Variants in TIAM2 observed in about 807,000 individuals in gnomAD.
TIAM2 encodes rho guanine nucleotide exchange factor TIAM2.
TIAM2 carries 80 observed loss-of-function variants against 152.9 expected under a neutral mutation model. The ratio of observed to expected loss-of-function variants is 0.52; its 90% confidence interval spans 0.44 to 0.63. The LOEUF is 0.63. TIAM2 is among the 30% of genes least tolerant of loss of function. The probability of loss-of-function intolerance (pLI) is 0.00; values close to 1 mark genes in which losing one functional copy is unlikely to be tolerated. For missense variants in TIAM2, 1,965 were observed against 2,120.1 expected (o/e 0.93, Z 1.44); for synonymous variants, 804 against 838.0 (o/e 0.96, Z 0.70).
chr6:155,206,957 T>G (rs9371367), intron 14 of TIAM2, among the ~76,000 whole-genome samples: 67,622 of 152,166 alleles, frequency 0.44, 16,886 homozygotes, highest in East Asian at 0.71. Context: ...AATGCTGAGT[T>G]CAGGGTGGGC....
At chr6:155,221,159 T>C (rs1336292978) in intron 15 of TIAM2, among the ~76,000 whole-genome samples, 1 of 151,116 alleles carries the variant, frequency 6.6e-6, no homozygotes, top group Non-Finnish European at 1.5e-5. Flanking sequence ...ACACAAGTTA[T>C]TATTCAGAGT....
chr6:155,198,205 G>A (rs779571801), intron 14 of TIAM2, among the ~76,000 whole-genome samples: 9 of 152,126 alleles, frequency 5.9e-5, no homozygotes, highest in Non-Finnish European at 1.3e-4. Context: ...TTGCAATATC[G>A]CTCACTGTGT....
At chr6:155,047,797 T>C (rs1777232670) in intron 1 of TIAM2, among the ~76,000 whole-genome samples, 1 of 151,658 alleles carries the variant, frequency 6.6e-6, no homozygotes, top group African/African-American at 2.4e-5. Context: ...CACTACTTTT[T>C]CTCTCTTCAC....
chr6:155,147,047 C>A lies in TIAM2; in HGVS notation c.1804-1063C>A, dbSNP rs961137808. Among the ~76,000 whole-genome samples, 8 of 151,992 alleles carry A rather than the reference C, an allele frequency of 5.3e-5. 1 individual carries two copies. Among genetic ancestry groups the A allele is most frequent in the Admixed American group, 3.9e-4 (6 of 15,264 alleles). On this transcript the variant is annotated intron_variant, in intron 6 of 26. Transcript: ENST00000682666. Reference sequence around the variant, plus strand: ...GCCCAGCCAAAAATAAACTATTTTTCTTTTATACAAATAGTATGTGGTCTT... The same window carrying A: ...GCCCAGCCAAAAATAAACTATTTTTATTTTATACAAATAGTATGTGGTCTT...
chr6:155,123,690 C>T (rs923146862), intron 2 of TIAM2, among the ~76,000 whole-genome samples: 9 of 152,198 alleles, frequency 5.9e-5, no homozygotes, highest in African/African-American at 2.2e-4. Context: ...ACACAGTCGG[C>T]CACTCAATCG....
chr6:155,017,573 G>A (rs1238125890), intron 1 of TIAM2, among the ~76,000 whole-genome samples: 3 of 140,200 alleles, frequency 2.1e-5, no homozygotes, highest in Non-Finnish European at 4.5e-5. Context: ...GTGCGATCTT[G>A]GCTCATTGCA....
intron 1 of TIAM2, among the ~76,000 whole-genome samples, chr6:155,078,577 C>T (rs990805591): frequency 2.0e-5 from 3 of 152,194 alleles, no homozygotes; most frequent in African/African-American, 4.8e-5. Flanking sequence ...ACGTCCAACT[C>T]GGACACATTC....
intron 9 of TIAM2, among the ~76,000 whole-genome samples, chr6:155,165,899 G>A (rs1417144590): frequency 1.3e-5 from 2 of 152,066 alleles, no homozygotes; most frequent in Non-Finnish European, 2.9e-5. Flanking sequence ...CGGCACCCCT[G>A]AAGAGGTAGT....
In TIAM2 at chr6:155,055,815, T is replaced by C. The variant is rs1421087918; in HGVS notation, c.-208-34474T>C. On this transcript the variant is annotated intron_variant, in intron 1 of 26. Coordinates refer to ENST00000682666, the MANE Select transcript of TIAM2 (RefSeq NM_012454.4). ...TGGTCTCTCCTAAAAATAAAACACA[T>C]TTTCAGGCATAGTGGTGCATGCCTG... 3.3e-5 allele frequency among the ~76,000 whole-genome samples: 5 copies of C among 151,784 alleles called. No individual in the cohort carries two copies. In the South Asian group the frequency reaches 1.0e-3, roughly 32 times the overall value.
chr6:155,149,452 C>T (rs887168954), intron 7 of TIAM2, among the ~76,000 whole-genome samples: 2 of 152,142 alleles, frequency 1.3e-5, no homozygotes, highest in South Asian at 2.1e-4. Context: ...TACAGAGAAA[C>T]CAGTTTCTTT....
Position 155,144,712 on chromosome 6 carries a change from A to G in TIAM2, c.1737A>G (p.Pro579=), listed in dbSNP as rs773372547. 2.5e-5 allele frequency: 41 copies of G among 1,611,556 alleles called. No homozygotes were observed. In the South Asian group the frequency reaches 3.9e-4, roughly 15 times the overall value. Reference sequence around the variant, plus strand: ...AAGACAGCATAGTGCAGTCTGTTCCAGAGCATCCCAAGAAAGAAAATGTGT... The same window carrying G: ...AAGACAGCATAGTGCAGTCTGTTCCGGAGCATCCCAAGAAAGAAAATGTGT... The part of the protein sequence containing the change: ...FAEDSIVQSV[P]EHPKKENVFC... Residue 579 remains proline (P), a synonymous_variant, in exon 6 of 27, where the codon CCA becomes CCG. Coordinates refer to ENST00000682666, the MANE Select transcript of TIAM2 (RefSeq NM_012454.4).
chr6:155,064,956 A>AT (rs1256221332), intron 1 of TIAM2, among the ~76,000 whole-genome samples: 1 of 144,926 alleles, frequency 6.9e-6, no homozygotes, highest in Non-Finnish European at 1.5e-5. Flanking sequence ...TATATACAGT[A>AT]TTTTTTGTTG....
rs906024484 is a variant in TIAM2 at position 155,214,361 on chromosome 6, A to T, written c.3168+3054A>T. ...GGCATACCTTTTGGGGGTTGGTGAC[A>T]TCCCCTGTGTGTGAGGGACCAGGTT... On this transcript the variant is annotated intron_variant, in intron 15 of 26. Coordinates refer to ENST00000682666, the MANE Select transcript of TIAM2 (RefSeq NM_012454.4). This position sits in a 1 kb window ranked among gnomAD's most constrained non-coding sequence, Gnocchi z 5.4. 6.6e-6 allele frequency among the ~76,000 whole-genome samples: 1 copy of T among 152,186 alleles called. No homozygotes were observed. Among genetic ancestry groups the T allele is most frequent in the East Asian group, 1.9e-4 (1 of 5,198 alleles).
chr6:155,096,571 C>CT (rs999062803), intron 2 of TIAM2, among the ~76,000 whole-genome samples: 16 of 151,846 alleles, frequency 1.1e-4, no homozygotes, highest in African/African-American at 2.7e-4. Context: ...TACTTTTTTT[C>CT]TTTTTTTTAT....
intron 1 of TIAM2, among the ~76,000 whole-genome samples, chr6:155,076,239 T>C (rs11156009): frequency 0.35 from 52,839 of 151,856 alleles, 9,355 homozygotes; most frequent in Middle Eastern, 0.37. Flanking sequence ...GGAGCATTTG[T>C]TCAGGGACCT....
chr6:155,007,879 G>C (rs189346137), intron 1 of TIAM2, among the ~76,000 whole-genome samples: 1 of 152,320 alleles, frequency 6.6e-6, no homozygotes, highest in Admixed American at 6.5e-5. Context: ...GTCGAGAAGA[G>C]AATGTCACTG....
intron 1 of TIAM2, among the ~76,000 whole-genome samples, chr6:155,020,563 A>G (rs1209639566): frequency 2.0e-5 from 3 of 151,992 alleles, no homozygotes; most frequent in African/African-American, 7.3e-5. Flanking sequence ...CTGGGTTCAC[A>G]TGATTCTCCT....
intron 1 of TIAM2, among the ~76,000 whole-genome samples, chr6:155,070,743 TA>T (rs1777820631): frequency 6.6e-6 from 1 of 152,148 alleles, no homozygotes; most frequent in African/African-American, 2.4e-5. Flanking sequence ...CTTAGTCCTT[TA>T]AGTGGAAATT....
chr6:155,252,070 C>A, intron 23 of TIAM2, 67 bp downstream of exon 23: 1 of 1,319,340 alleles, frequency 7.6e-7, no homozygotes, highest in South Asian at 1.3e-5. Context: ...TAACGTTGAA[C>A]TGAAAAGCCC....
Sources: gnomAD v4.1 joint callset for allele counts (sites outside exome capture counted in the v4.1 genomes callset) on GRCh38, gnomAD v4.1.1 for gene constraint, Gnocchi (gnomAD v3.1) non-coding constraint, MANE v1.5 for transcripts, NCBI Gene and HGNC (gene_info 2026-07-23, HGNC 2026-07-21) for gene names.